BPTF: variants seen among roughly 807,000 people sequenced by gnomAD.
BPTF encodes the protein nucleosome-remodeling factor subunit BPTF.
BPTF carries 18 observed loss-of-function variants against 292.5 expected under a neutral mutation model. That is an observed-to-expected ratio of 0.06 (90% confidence interval 0.04 to 0.09). The LOEUF (loss-of-function observed/expected upper bound fraction) is 0.09, where lower values mean the gene tolerates loss of function less well. Among genes scored for constraint, BPTF ranks in the 10% least tolerant of loss-of-function variants. The probability of loss-of-function intolerance (pLI) is 1.00; values close to 1 mark genes in which losing one functional copy is unlikely to be tolerated. For missense variants in BPTF, 2,726 were observed against 3,498.7 expected (o/e 0.78, Z 5.57); for synonymous variants, 1,225 against 1,251.9 (o/e 0.98, Z 0.45).
chr17:67,971,291 C>T (rs986075881), intron 26 of BPTF, among the ~76,000 whole-genome samples: 1 of 151,648 alleles, frequency 6.6e-6, no homozygotes, highest in Non-Finnish European at 1.5e-5. Flanking sequence ...GTTGGCCAGG[C>T]TGATCTCGAA....
chr17:67,867,580 A>G (rs1206677263), intron 3 of BPTF, among the ~76,000 whole-genome samples: 1 of 151,928 alleles, frequency 6.6e-6, no homozygotes, highest in Non-Finnish European at 1.5e-5. Context: ...ATCCTGTACC[A>G]CTTGATATTT....
intron 27 of BPTF, among the ~76,000 whole-genome samples, chr17:67,979,466 C>G (rs1248599318): frequency 6.6e-6 from 1 of 151,842 alleles, no homozygotes; most frequent in African/African-American, 2.4e-5. Context: ...ATCACTTGAA[C>G]CTGGGAGACG....
intron 13 of BPTF, among the ~76,000 whole-genome samples, chr17:67,920,516 A>G (rs1417978261): frequency 6.6e-6 from 1 of 152,208 alleles, no homozygotes; most frequent in African/African-American, 2.4e-5. Flanking sequence ...TTTCTTAAGG[A>G]TTAAAACTAC....
intron 27 of BPTF, among the ~76,000 whole-genome samples, chr17:67,979,357 G>A (rs2070019155): frequency 6.6e-6 from 1 of 152,012 alleles, no homozygotes; most frequent in South Asian, 2.1e-4. Flanking sequence ...GACCAGCCTG[G>A]CCAACATGAT....
At chr17:67,955,857 T>C (rs1357026883) in intron 23 of BPTF, 1 of 151,736 alleles carries the variant, frequency 6.6e-6, no homozygotes, top group Non-Finnish European at 1.5e-5. Context: ...TAAATTATCA[T>C]TTATAGGCCA....
At chr17:67,861,238 T>G (rs528327370) in intron 2 of BPTF, among the ~76,000 whole-genome samples, 2 of 152,344 alleles carry the variant, frequency 1.3e-5, no homozygotes, top group African/African-American at 4.8e-5. Context: ...TTCTCTCCAT[T>G]CCCACTGTCC....
chr17:67,885,428 A>G (rs1201568884), intron 4 of BPTF, among the ~76,000 whole-genome samples: 2 of 152,160 alleles, frequency 1.3e-5, no homozygotes, highest in South Asian at 2.1e-4. Context: ...TACCAAAAAT[A>G]TAAAAGAATT....
chr17:67,944,435 G>A, intron 20 of BPTF, 63 bp downstream of exon 20: 1 of 1,551,054 alleles, frequency 6.4e-7, no homozygotes, highest in Non-Finnish European at 8.8e-7. Flanking sequence ...GGCTAACAGA[G>A]GCCAACAGGA....
chr17:67,873,630 G>A (rs2059885697), intron 3 of BPTF, among the ~76,000 whole-genome samples: 1 of 152,156 alleles, frequency 6.6e-6, no homozygotes, highest in Non-Finnish European at 1.5e-5. Context: ...ATGTGAGCCA[G>A]ATTTCTCACT....
chr17:67,886,475 CTTTATTTTTCATT>C (rs2060762811), intron 4 of BPTF, among the ~76,000 whole-genome samples: 2 of 148,878 alleles, frequency 1.3e-5, no homozygotes, highest in Admixed American at 1.3e-4. Flanking sequence ...TGTTCTTTTC[CTTTATTTTTCATT>C]TTTTTTTTAA....
intron 15 of BPTF, 55 bp from the exon 16 acceptor site, chr17:67,928,300 A>T (rs1018318961): frequency 6.6e-7 from 1 of 1,522,722 alleles, no homozygotes; most frequent in Non-Finnish European, 8.9e-7. Flanking sequence ...GTAGAATGGT[A>T]TTGTTTTTAT....
chr17:67,894,884 TA>T (rs2061343813), intron 7 of BPTF, among the ~76,000 whole-genome samples: 2 of 152,158 alleles, frequency 1.3e-5, no homozygotes, highest in African/African-American at 2.4e-5. Flanking sequence ...AACAGATGAT[TA>T]AAAAGAAAGA....
intron 24 of BPTF, chr17:67,960,404 T>C (rs1203097438): frequency 3.9e-5 from 6 of 152,210 alleles, no homozygotes; most frequent in Admixed American, 3.9e-4. Flanking sequence ...CACTTTCTTA[T>C]CAGAGACAAA....
In BPTF at chr17:67,944,249, G is replaced by T; in HGVS notation, c.6577G>T (p.Gly2193Cys). The change falls in exon 20 of 28, where the codon GGC becomes TGC. Residue 2193 changes from glycine (G) to cysteine (C), a missense_variant. Around this residue, in one of 22 missense-constraint regions of BPTF, gnomAD observed 570 missense variants for 633.5 expected, o/e 0.90. Transcript: ENST00000306378. Reference sequence around the variant, plus strand: ...AGGGGTGACTGTACTCCCAGGCCCAGGCCAGCAGCTAATGCAAGCTGCAAT... The same window carrying T: ...AGGGGTGACTGTACTCCCAGGCCCATGCCAGCAGCTAATGCAAGCTGCAAT... ...PQGVTVLPGP[G>C]QQLMQAAMPN... 1 of 1,614,164 alleles carries T rather than the reference G, an allele frequency of 6.2e-7. No homozygotes were observed. The highest frequency in any genetic ancestry group is 8.5e-7 in the Non-Finnish European group (1 of 1,180,040).
Position 67,940,588 on chromosome 17 carries a change from C to A in BPTF, c.6409C>A (p.Pro2137Thr), listed in dbSNP as rs200697649. 2.3e-5 allele frequency: 37 copies of A among 1,614,138 alleles called. No homozygotes were observed. In the Middle Eastern group the frequency reaches 4.9e-4, roughly 22 times the overall value. ...TSNIQSSASQ[P>T]PRPQQGQVKL... ...AAATATACAGTCTTCAGCCTCACAA[C>A]CCCCTCGCCCCCAACAAGGACAAGT... The change falls in exon 19 of 28, where the codon CCC becomes ACC. Residue 2137 changes from proline to threonine, a missense_variant. Pro to Thr is a conservative substitution (Grantham distance 38). Around this residue, in one of 22 missense-constraint regions of BPTF, gnomAD observed 570 missense variants for 633.5 expected, o/e 0.90. Coordinates refer to ENST00000306378, the MANE Select transcript of BPTF (RefSeq NM_182641.4).
chr17:67,886,385 G>C, intron 4 of BPTF: 3 of 1,115,830 alleles, frequency 2.7e-6, no homozygotes, highest in Non-Finnish European at 3.6e-6. Context: ...TTGTGTGTGT[G>C]TGTGTGGTTT....
At chr17:67,960,647 A>G (rs2067390772) in intron 24 of BPTF, among the ~76,000 whole-genome samples, 1 of 152,244 alleles carries the variant, frequency 6.6e-6, no homozygotes, top group Non-Finnish European at 1.5e-5. Flanking sequence ...TTTTAAAGCC[A>G]CAGTTAACCA....
intron 26 of BPTF, among the ~76,000 whole-genome samples, chr17:67,971,957 G>A (rs2068816742): frequency 6.6e-6 from 1 of 152,018 alleles, no homozygotes; most frequent in Admixed American, 6.6e-5. Flanking sequence ...CTCTTTTGAG[G>A]GGTATATTTT....
In BPTF at chr17:67,911,354, C is replaced by G. The variant is rs372625079; in HGVS notation, c.3470C>G (p.Thr1157Arg). The G allele has an allele frequency of 1.9e-6, 3 of 1,614,108 alleles. No individual in the cohort carries two copies. Among genetic ancestry groups the G allele is most frequent in the African/African-American group, 1.3e-5 (1 of 75,042 alleles). Reference protein sequence around the residue: ...VLRMSDPSHTTNKLYPKDRVL... With the variant: ...VLRMSDPSHTRNKLYPKDRVL... Reference sequence around the variant, plus strand: ...AGAATGAGTGATCCTAGTCATACCACAAACAAACTTTATCCAAAAGATCGA... The same window carrying G: ...AGAATGAGTGATCCTAGTCATACCAGAAACAAACTTTATCCAAAAGATCGA... The change falls in exon 11 of 28, where the codon ACA (threonine) becomes AGA (arginine). Residue 1157 changes from threonine (T) to arginine (R), a missense_variant. Transcript: ENST00000306378.
Sources: gnomAD v4.1 joint callset for allele counts (sites outside exome capture counted in the v4.1 genomes callset) on GRCh38, gnomAD v4.1.1 for gene constraint, gnomAD v4.1.1 regional missense constraint, MANE v1.5 for transcripts, NCBI Gene and HGNC (gene_info 2026-07-23, HGNC 2026-07-21) for gene names.